Variants in ANK2 observed in about 807,000 individuals in gnomAD.
The protein encoded by ANK2 is ankyrin 2, also known as ankyrin-2.
A neutral mutation model predicts 360.5 loss-of-function variants in ANK2; 83 were observed. The ratio of observed to expected loss-of-function variants is 0.23; its 90% CI spans 0.19 to 0.28. ANK2 has a LOEUF of 0.28. Among genes scored for constraint, ANK2 ranks in the 10% least tolerant of loss-of-function variants. The pLI, the probability that ANK2 is intolerant of heterozygous loss-of-function variation, is 1.00. For missense variants in ANK2, 4,201 were observed against 4,795.7 expected (o/e 0.88, Z 3.66); for synonymous variants, 1,740 against 1,759.5 (o/e 0.99, Z 0.28).
intron 2 of ANK2, among the ~76,000 whole-genome samples, chr4:113,011,489 A>G (rs1363038748): frequency 1.3e-5 from 2 of 152,134 alleles, no homozygotes; most frequent in Non-Finnish European, 2.9e-5. Context: ...TTGAATGCTT[A>G]TATACAGAAT....
At chr4:113,025,023 C>A (rs1418284830) in intron 2 of ANK2, among the ~76,000 whole-genome samples, 1 of 152,018 alleles carries the variant, frequency 6.6e-6, no homozygotes, top group Non-Finnish European at 1.5e-5. Flanking sequence ...TAGGAGTTTT[C>A]TTTTCCACTA....
intron 1 of ANK2, among the ~76,000 whole-genome samples, chr4:112,886,553 T>A (rs1306943231): frequency 6.6e-6 from 1 of 152,018 alleles, no homozygotes; most frequent in African/African-American, 2.4e-5. Flanking sequence ...TTCCAGCTAC[T>A]CAGGAAGCTG....
chr4:112,751,701 A>G, the ANK2 span, among the ~76,000 whole-genome samples: 2 of 152,288 alleles, frequency 1.3e-5, no homozygotes, highest in Middle Eastern at 3.4e-3. Context: ...GAGATATGCT[A>G]AGGTGTAGAG....
chr4:113,095,429 T>G (rs1457978180), intron 1 of ANK2, among the ~76,000 whole-genome samples: 1 of 152,210 alleles, frequency 6.6e-6, no homozygotes, highest in Non-Finnish European at 1.5e-5. Context: ...AAAATGCGTT[T>G]TTGATTTGGA....
At chr4:112,951,364 GA>G (rs1299838745) in intron 2 of ANK2, among the ~76,000 whole-genome samples, 3 of 152,024 alleles carry the variant, frequency 2.0e-5, no homozygotes, top group Admixed American at 6.5e-5. Context: ...TGATATAGGA[GA>G]AAAAAATTAT....
intron 2 of ANK2, among the ~76,000 whole-genome samples, chr4:113,194,318 T>G (rs2098716601): frequency 6.6e-6 from 1 of 152,202 alleles, no homozygotes; most frequent in African/African-American, 2.4e-5. Flanking sequence ...TCCTCTGTGG[T>G]TTTTCTGTAT....
At chr4:112,995,268 C>T (rs1316121093) in intron 2 of ANK2, among the ~76,000 whole-genome samples, 3 of 152,166 alleles carry the variant, frequency 2.0e-5, no homozygotes, top group Non-Finnish European at 4.4e-5. Flanking sequence ...GTCTTGCCAA[C>T]ATCTGATATT....
intron 2 of ANK2, among the ~76,000 whole-genome samples, chr4:112,930,962 T>A (rs1007938031): frequency 6.6e-5 from 10 of 151,654 alleles, no homozygotes; most frequent in Admixed American, 2.0e-4. Context: ...TCAAGACATT[T>A]ACATATAGAA....
intron 2 of ANK2, among the ~76,000 whole-genome samples, chr4:113,021,559 T>C (rs879908991): frequency 0.015 from 1,510 of 101,902 alleles, 110 homozygotes; most frequent in East Asian, 0.045. Context: ...TATATATATA[T>C]ATATATATAT....
the ANK2 span, among the ~76,000 whole-genome samples, chr4:112,771,132 G>A: frequency 4.0e-5 from 6 of 151,868 alleles, no homozygotes. Context: ...TTTTTTTCAC[G>A]ATGGAGTTTC....
At chr4:112,782,746 G>A in the ANK2 span, among the ~76,000 whole-genome samples, 1 of 151,716 alleles carries the variant, frequency 6.6e-6, no homozygotes, top group Non-Finnish European at 1.5e-5. Context: ...GCAGGTGCCT[G>A]TAATCCCAGC....
the ANK2 span, among the ~76,000 whole-genome samples, chr4:112,804,183 T>C: frequency 1.3e-5 from 2 of 152,118 alleles, no homozygotes; most frequent in East Asian, 1.9e-4. Context: ...CATGCCTGGC[T>C]AATTTTTTTT....
the ANK2 span, among the ~76,000 whole-genome samples, chr4:112,812,484 GA>G: frequency 1.3e-5 from 2 of 152,144 alleles, no homozygotes; most frequent in African/African-American, 4.8e-5. Flanking sequence ...AGCAACATAA[GA>G]GGCACGCAGA....
chr4:112,789,247 G>A, the ANK2 span, among the ~76,000 whole-genome samples: 1 of 152,182 alleles, frequency 6.6e-6, no homozygotes, highest in African/African-American at 2.4e-5. Flanking sequence ...ATGAGCTGAA[G>A]CCTGAGGTTC....
intron 2 of ANK2, among the ~76,000 whole-genome samples, chr4:112,998,388 T>C (rs1479708356): frequency 6.6e-6 from 1 of 152,178 alleles, no homozygotes; most frequent in Non-Finnish European, 1.5e-5. Context: ...AGAAGTGTCC[T>C]CTGCCTTTTC....
intron 26 of ANK2, among the ~76,000 whole-genome samples, chr4:113,321,238 G>A (rs1010848007): frequency 3.3e-5 from 5 of 152,168 alleles, no homozygotes; most frequent in African/African-American, 1.2e-4. Flanking sequence ...TTAGCACTTT[G>A]CCTGGAAATA....
intron 1 of ANK2, among the ~76,000 whole-genome samples, chr4:113,101,645 G>A (rs192943663): frequency 6.6e-6 from 1 of 152,176 alleles, no homozygotes; most frequent in East Asian, 1.9e-4. Flanking sequence ...TTGTCTTAGT[G>A]GAGTCTGTAT....
At chr4:113,214,150 T>C (rs1380085861) in intron 4 of ANK2, 2 of 686,556 alleles carry the variant, frequency 2.9e-6, no homozygotes, top group African/African-American at 1.8e-5. Flanking sequence ...CTGACTACTT[T>C]GCTGTGAATT....
intron 2 of ANK2, among the ~76,000 whole-genome samples, chr4:113,015,346 CTAA>C (rs974352775): frequency 2.0e-4 from 31 of 152,240 alleles, no homozygotes; most frequent in African/African-American, 7.2e-4. Context: ...AGACTTAGCA[CTAA>C]CCTAAATAAA....
Sources: gnomAD v4.1 joint callset for allele counts (sites outside exome capture counted in the v4.1 genomes callset) on GRCh38, gnomAD v4.1.1 for gene constraint, MANE v1.5 for transcripts, NCBI Gene and HGNC (gene_info 2026-07-23, HGNC 2026-07-21) for gene names.